MARCHF1: variants seen among roughly 807,000 people sequenced by gnomAD.
MARCHF1 encodes membrane associated ring-CH-type finger 1.
In MARCHF1, 40 loss-of-function variants were observed where a neutral mutation model predicts 54.2. That is an observed-to-expected ratio of 0.74 (90% CI 0.57 to 0.96). MARCHF1 has a LOEUF of 0.96. Among genes scored for constraint, MARCHF1 ranks in the 40% least tolerant of loss-of-function variants. The pLI is 0.00. For synonymous variants in MARCHF1, 236 were observed against 236.3 expected (o/e 1.00, Z 0.01); for missense variants, 586 against 656.5 (o/e 0.89, Z 1.17).
At chr4:164,083,345 A>G (rs1755137173) in intron 2 of MARCHF1, among the ~76,000 whole-genome samples, 2 of 152,038 alleles carry the variant, frequency 1.3e-5, no homozygotes, top group African/African-American at 4.8e-5. Context: ...CAGACCAAGT[A>G]TCATACAAAA....
intron 1 of MARCHF1, among the ~76,000 whole-genome samples, chr4:164,209,333 A>G (rs1017582581): frequency 1.3e-5 from 2 of 152,176 alleles, no homozygotes; most frequent in African/African-American, 4.8e-5. Flanking sequence ...ATACTCATCT[A>G]TACTGTATCC....
chr4:164,161,655 A>G (rs1032727372), intron 1 of MARCHF1, among the ~76,000 whole-genome samples: 2 of 152,156 alleles, frequency 1.3e-5, no homozygotes, highest in Non-Finnish European at 2.9e-5. Flanking sequence ...GTTAAACCTC[A>G]TAAACTTAAA....
chr4:164,211,331 G>GTGTATATA (rs763172261), intron 1 of MARCHF1, among the ~76,000 whole-genome samples: 1 of 115,960 alleles, frequency 8.6e-6, no homozygotes, highest in African/African-American at 2.8e-5. Flanking sequence ...ATGTATGTAT[G>GTGTATATA]TATATATATA....
intron 1 of MARCHF1, among the ~76,000 whole-genome samples, chr4:164,115,787 C>A (rs1755926877): frequency 6.6e-6 from 1 of 151,770 alleles, no homozygotes; most frequent in Non-Finnish European, 1.5e-5. Flanking sequence ...GGAGATGAAA[C>A]AATAAGATAC....
At chr4:164,238,212 G>A (rs1324275857) in intron 1 of MARCHF1, among the ~76,000 whole-genome samples, 5 of 151,856 alleles carry the variant, frequency 3.3e-5, no homozygotes, top group African/African-American at 9.7e-5. Context: ...CATAACTGTC[G>A]GTTTAGTTCA....
At chr4:164,088,711 C>G (rs560573346) in intron 2 of MARCHF1, among the ~76,000 whole-genome samples, 2 of 151,898 alleles carry the variant, frequency 1.3e-5, no homozygotes, top group Non-Finnish European at 2.9e-5. Context: ...TGCACTCTGG[C>G]CTGGGAGACA....
intron 2 of MARCHF1, among the ~76,000 whole-genome samples, chr4:164,050,413 T>C (rs909758443): frequency 2.6e-5 from 4 of 151,934 alleles, no homozygotes; most frequent in Admixed American, 2.6e-4. Flanking sequence ...TCATTCACCC[T>C]TCTTTCAGTC....
intron 2 of MARCHF1, among the ~76,000 whole-genome samples, chr4:164,084,851 G>T (rs1036358779): frequency 2.0e-5 from 3 of 151,676 alleles, no homozygotes; most frequent in African/African-American, 7.2e-5. Flanking sequence ...CCACATTGAT[G>T]ACTTTATCAC....
chr4:163,826,997 T>C (rs780476439), intron 4 of MARCHF1, among the ~76,000 whole-genome samples: 1 of 152,084 alleles, frequency 6.6e-6, no homozygotes, highest in Non-Finnish European at 1.5e-5. Context: ...AATTTATCTC[T>C]GCGCAATTAA....
intron 5 of MARCHF1, among the ~76,000 whole-genome samples, chr4:163,666,101 C>T (rs998818413): frequency 6.6e-6 from 1 of 152,068 alleles, no homozygotes; most frequent in African/African-American, 2.4e-5. Flanking sequence ...GAGAACAAGC[C>T]TCAATAGAAG....
chr4:163,755,090 C>T (rs1003535931), intron 4 of MARCHF1, among the ~76,000 whole-genome samples: 2 of 152,112 alleles, frequency 1.3e-5, no homozygotes, highest in African/African-American at 4.8e-5. Flanking sequence ...GGTGGTGCCA[C>T]CTAGTTGGCA....
chr4:164,297,539 G>A (rs1252224765), intron 1 of MARCHF1, among the ~76,000 whole-genome samples: 2 of 152,058 alleles, frequency 1.3e-5, no homozygotes, highest in East Asian at 1.9e-4. Context: ...GAAAAGCAAG[G>A]AAAGAGTGAG....
chr4:163,550,369 C>T (rs1739067781), intron 8 of MARCHF1, among the ~76,000 whole-genome samples: 2 of 151,818 alleles, frequency 1.3e-5, no homozygotes, highest in South Asian at 2.1e-4. Context: ...TCCATTTCGT[C>T]TTTTTTCTTG....
intron 5 of MARCHF1, among the ~76,000 whole-genome samples, chr4:163,687,238 T>A (rs1744297522): frequency 6.6e-6 from 1 of 152,016 alleles, no homozygotes. Flanking sequence ...GATCTTTTTT[T>A]TTTTTTTGAG....
chr4:163,573,091 T>C (rs990537127), intron 8 of MARCHF1, among the ~76,000 whole-genome samples: 4 of 152,108 alleles, frequency 2.6e-5, no homozygotes, highest in African/African-American at 9.7e-5. Context: ...ATCTGTCTTA[T>C]TATAATGTTG....
At chr4:164,344,788 T>TA (rs1016529801) in intron 1 of MARCHF1, among the ~76,000 whole-genome samples, 19 of 152,072 alleles carry the variant, frequency 1.2e-4, no homozygotes, top group Non-Finnish European at 1.8e-4. Context: ...GAAATAAAAC[T>TA]AAAAATAGCA....
intron 1 of MARCHF1, among the ~76,000 whole-genome samples, chr4:164,358,491 G>A (rs148088712): frequency 3.9e-5 from 6 of 152,214 alleles, no homozygotes; most frequent in East Asian, 3.9e-4. Flanking sequence ...AAAATGAAAC[G>A]TACTAAACAG....
At chr4:163,977,535 T>G (rs1039416913) in intron 3 of MARCHF1, among the ~76,000 whole-genome samples, 3 of 152,324 alleles carry the variant, frequency 2.0e-5, no homozygotes, top group African/African-American at 4.8e-5. Flanking sequence ...GCCATTTCTA[T>G]TCTCCAAAAG....
At chr4:163,924,963 T>C (rs558602199) in intron 3 of MARCHF1, among the ~76,000 whole-genome samples, 1 of 151,802 alleles carries the variant, frequency 6.6e-6, no homozygotes, top group South Asian at 2.1e-4. Flanking sequence ...TAAAATAACA[T>C]CAGAGTGGCT....
Sources: allele counts gnomAD v4.1 joint callset (sites outside exome capture counted in the v4.1 genomes callset), GRCh38; gene constraint gnomAD v4.1.1; transcripts MANE v1.5; gene names NCBI Gene and HGNC (gene_info 2026-07-23, HGNC 2026-07-21).